The following PHF12 variants were observed in gnomAD, a reference collection of about 807,000 sequenced individuals.
PHF12 encodes the protein PHD finger protein 12.
A neutral mutation model predicts 99.8 loss-of-function variants in PHF12; 6 were observed. The ratio of observed to expected loss-of-function variants is 0.06; its 90% confidence interval spans 0.03 to 0.12. The LOEUF (loss-of-function observed/expected upper bound fraction) is 0.12. Among genes scored for constraint, PHF12 ranks in the 10% least tolerant of loss-of-function variants. The pLI is 1.00. For missense variants in PHF12, 954 were observed against 1,300.1 expected (o/e 0.73, Z 4.09); for synonymous variants, 480 against 514.9 (o/e 0.93, Z 0.92).
At chr17:28,923,206 GAGA>G (rs35582333) in intron 4 of PHF12, among the ~76,000 whole-genome samples, 18,678 of 152,090 alleles carry the variant, frequency 0.12, 1,231 homozygotes, top group South Asian at 0.23. Context: ...AAAGAAATTT[GAGA>G]AGAATAAACA....
chr17:28,907,481 A>G (rs2039890490), intron 13 of PHF12, 109 bp downstream of exon 13: 3 of 1,037,144 alleles, frequency 2.9e-6, no homozygotes, highest in African/African-American at 1.6e-5. Context: ...AGAAAAAGAG[A>G]GGACCCCCAA....
At chr17:28,919,644 G>T (rs2040125448) in intron 5 of PHF12, among the ~76,000 whole-genome samples, 1 of 152,198 alleles carries the variant, frequency 6.6e-6, no homozygotes, top group African/African-American at 2.4e-5. Context: ...GGAGGCTGAG[G>T]CAGGAGAATT....
intron 5 of PHF12, among the ~76,000 whole-genome samples, chr17:28,919,951 C>T (rs2040132968): frequency 6.6e-6 from 1 of 152,080 alleles, no homozygotes. Flanking sequence ...TCTGATCTTC[C>T]TACTTCTTAA....
At chr17:28,909,351 A>C (rs2039920687) in intron 11 of PHF12, 1 of 157,980 alleles carries the variant, frequency 6.3e-6, no homozygotes, top group Non-Finnish European at 1.4e-5. Flanking sequence ...AAATAGGCAA[A>C]AAACCAATGC....
chr17:28,913,695 T>C (rs959501547), intron 8 of PHF12, among the ~76,000 whole-genome samples, 184 bp downstream of exon 8: 9 of 152,200 alleles, frequency 5.9e-5, no homozygotes, highest in African/African-American at 1.9e-4. Context: ...GTTGCCTTTG[T>C]AGATCTCTTA....
intron 2 of PHF12, among the ~76,000 whole-genome samples, chr17:28,937,281 T>C (rs1247321713): frequency 6.6e-6 from 1 of 152,214 alleles, no homozygotes; most frequent in Non-Finnish European, 1.5e-5. Flanking sequence ...TCTTCAAGTA[T>C]GGCCTGTCTT....
intron 2 of PHF12, among the ~76,000 whole-genome samples, chr17:28,929,376 A>C (rs1168890038): frequency 1.3e-5 from 2 of 151,848 alleles, no homozygotes; most frequent in African/African-American, 4.8e-5. Context: ...CTGAGTAGCT[A>C]GGATTACAAG....
chr17:28,951,032 G>T lies in PHF12; in HGVS notation c.-72C>A. On this transcript the variant is annotated 5_prime_UTR_variant, in exon 1 of 15. Transcript: ENST00000332830. ...CCCGGGGGGAGGGGGGAGGTGAGGG[G>T]AGGGGGCGCTCCTGACCCCGGCCCC... 1.2e-6 allele frequency: 2 copies of T among 1,606,576 alleles called. No homozygotes were observed. Among genetic ancestry groups the T allele is most frequent in the Non-Finnish European group, 1.7e-6 (2 of 1,176,274 alleles).
rs35263191 is a variant in PHF12 at position 28,923,653 on chromosome 17, C to CAAA, written c.715+253_715+255dup. 4.9e-3 allele frequency among the ~76,000 whole-genome samples: 214 copies of CAAA among 43,342 alleles called. 11 individuals carry two copies. The highest frequency in any genetic ancestry group is 0.026 in the South Asian group (22 of 838). 28.4% of individuals were successfully genotyped at this position (43,342 alleles called of 152,430 possible). ...AGCCTGAGTGACAAAGTGAGACTCA[C>CAAA]AAAAAAAAAAAAAAAAAAAAAAGGA... On this transcript the variant is annotated intron_variant, in intron 4 of 14. Coordinates refer to ENST00000332830, the MANE Select transcript of PHF12 (RefSeq NM_001033561.2).
chr17:28,925,137 G>T (rs2040245169), intron 3 of PHF12: 1 of 152,206 alleles, frequency 6.6e-6, no homozygotes, highest in Admixed American at 6.5e-5. Flanking sequence ...ACTCCAAATA[G>T]AGTGGTCAAA....
intron 2 of PHF12, among the ~76,000 whole-genome samples, chr17:28,944,067 C>G (rs1175755414): frequency 6.6e-6 from 1 of 152,208 alleles, no homozygotes; most frequent in Non-Finnish European, 1.5e-5. Flanking sequence ...CAAGAACTTA[C>G]AACAGACCAA....
chr17:28,906,083 T>C lies in PHF12; in HGVS notation c.*100A>G, dbSNP rs564194371. ...GCAAAGATTGTAGTTGAAGGGTTTC[T>C]GGTAGAGTATAGAAAACACCCGGGC... is the stretch of plus-strand genomic sequence containing the variant. On this transcript the variant is annotated 3_prime_UTR_variant, in exon 15 of 15. Coordinates refer to ENST00000332830, the MANE Select transcript of PHF12 (RefSeq NM_001033561.2). The surrounding 1 kb of genome is among the most constrained non-coding windows in gnomAD (Gnocchi z 4.2). 1.7e-6 allele frequency: 2 copies of C among 1,155,620 alleles called. No homozygotes were observed. Among genetic ancestry groups the C allele is most frequent in the South Asian group, 3.3e-5 (2 of 60,334 alleles). The allele number at this position is 1,155,620 out of a possible 1,614,324, so 71.6% of individuals were successfully genotyped here. A position where few individuals can be genotyped will look rare whatever the true frequency, so the allele number is the denominator to read the frequency against.
intron 2 of PHF12, among the ~76,000 whole-genome samples, chr17:28,936,502 C>T (rs1023763554): frequency 6.6e-6 from 1 of 152,214 alleles, no homozygotes; most frequent in African/African-American, 2.4e-5. Context: ...ATATACAATA[C>T]ACCAACAGCC....
intron 5 of PHF12, among the ~76,000 whole-genome samples, chr17:28,919,919 AG>A (rs1418784450): frequency 1.3e-5 from 2 of 152,186 alleles, no homozygotes; most frequent in Non-Finnish European, 2.9e-5. Flanking sequence ...AGTACTCACT[AG>A]GGGAAAACAG....
Position 28,951,314 on chromosome 17 carries a change from G to A in PHF12, c.-354C>T. The stretch of plus-strand genomic sequence containing the variant: ...AGGCTGGCGGGCGCTGCCATCCCGG[G>A]GCTGGGGGTATCGGAGGGGGGGTGA... On this transcript the variant is annotated 5_prime_UTR_variant, in exon 1 of 15. Coordinates refer to ENST00000332830, the MANE Select transcript of PHF12 (RefSeq NM_001033561.2). 1 of 1,091,352 alleles carries A rather than the reference G, an allele frequency of 9.2e-7. No homozygotes were observed. Among genetic ancestry groups the A allele is most frequent in the Non-Finnish European group, 1.1e-6 (1 of 895,000 alleles). The allele number at this position is 1,091,352 out of a possible 1,614,324, so 67.6% of individuals were successfully genotyped here. A position where few individuals can be genotyped will look rare whatever the true frequency, so the allele number is the denominator to read the frequency against.
chr17:28,915,624 C>T (rs1012698063), intron 7 of PHF12, among the ~76,000 whole-genome samples: 32 of 152,254 alleles, frequency 2.1e-4, no homozygotes, highest in African/African-American at 7.2e-4. Flanking sequence ...TCCACTACCC[C>T]TGGGGTAAGA....
rs570647078 is a variant in PHF12 at position 28,951,332 on chromosome 17, G to A, written c.-372C>T. 6.2e-5 allele frequency: 65 copies of A among 1,051,396 alleles called. No individual in the cohort carries two copies. Among genetic ancestry groups the A allele is most frequent in the African/African-American group, 3.2e-4 (19 of 58,534 alleles). 65.1% of individuals were successfully genotyped at this position (1,051,396 alleles called of 1,614,324 possible). On this transcript the variant is annotated 5_prime_UTR_variant, in exon 1 of 15. Transcript: ENST00000332830. ...ATCCCGGGGCTGGGGGTATCGGAGGGGGGGTGAGAGGTTACGTGAGGTTGT... is the reference window on the plus strand; with the variant it reads ...ATCCCGGGGCTGGGGGTATCGGAGGAGGGGTGAGAGGTTACGTGAGGTTGT...
rs752929569 is a variant in PHF12, at chr17:28,917,269, C to T, written c.1134+16G>A. The T allele has an allele frequency of 2.9e-5, 47 of 1,612,884 alleles. No individual in the cohort carries two copies. The highest frequency in any genetic ancestry group is 3.9e-5 in the Non-Finnish European group (46 of 1,180,028). On this transcript the variant is annotated intron_variant, in intron 7 of 14. Transcript: ENST00000332830. ...CAGGCAGACTACCATCTTGCCTGCA[C>T]CTGATTGTGACTCACCTTCAAGCTT...
rs1014367380 is a variant in PHF12, at chr17:28,917,161, G to A, written c.1134+124C>T. ...AATGAAGGTCACACTCATTACTCAC[G>A]AGACACCACAAACCTATTTCTGGGG... On this transcript the variant is annotated intron_variant, in intron 7 of 14. Transcript: ENST00000332830. 6.8e-6 allele frequency: 9 copies of A among 1,317,008 alleles called. No homozygotes were observed. The African/African-American group carries it at 7.3e-5, about 11-fold the overall frequency. 81.6% of individuals were successfully genotyped at this position (1,317,008 alleles called of 1,614,324 possible).
Sources: allele counts gnomAD v4.1 joint callset (sites outside exome capture counted in the v4.1 genomes callset), GRCh38; gene constraint gnomAD v4.1.1; non-coding constraint Gnocchi (gnomAD v3.1); transcripts MANE v1.5; gene names NCBI Gene and HGNC (gene_info 2026-07-23, HGNC 2026-07-21).